Variants in SPAG16 observed in about 807,000 individuals in gnomAD.
SPAG16 encodes the protein sperm-associated antigen 16 protein.
In SPAG16, 86 loss-of-function variants were observed where a neutral mutation model predicts 80.4. That is an observed-to-expected ratio of 1.07 (90% CI 0.90 to 1.28). The LOEUF is 1.28. Among genes scored for constraint, SPAG16 ranks in the 50% most tolerant of loss-of-function variants. The pLI is 0.00. For synonymous variants in SPAG16, 294 were observed against 265.9 expected, an observed-to-expected ratio of 1.11 and a Z score of -1.03; for missense variants, 870 against 765.3, an observed-to-expected ratio of 1.14 and a Z score of -1.61.
intron 10 of SPAG16, among the ~76,000 whole-genome samples, chr2:213,552,593 T>C (rs1489217163): frequency 6.6e-6 from 1 of 152,240 alleles, no homozygotes; most frequent in Non-Finnish European, 1.5e-5. Flanking sequence ...AAACATATTC[T>C]CAAACAGTGA....
chr2:213,544,853 G>A (rs2076565372), intron 10 of SPAG16, among the ~76,000 whole-genome samples: 1 of 151,986 alleles, frequency 6.6e-6, no homozygotes, highest in Non-Finnish European at 1.5e-5. Context: ...AGACTTGATA[G>A]CTCATTTGTT....
intron 15 of SPAG16, among the ~76,000 whole-genome samples, chr2:214,219,838 T>C (rs938124985): frequency 6.6e-6 from 1 of 152,180 alleles, no homozygotes; most frequent in African/African-American, 2.4e-5. Context: ...TTTATTTCCA[T>C]CTGAAATACC....
chr2:213,874,618 G>A (rs2076075111), intron 11 of SPAG16, among the ~76,000 whole-genome samples: 2 of 152,254 alleles, frequency 1.3e-5, no homozygotes, highest in South Asian at 4.1e-4. Context: ...CATGAGTAAT[G>A]TGTAGCCATA....
chr2:213,398,174 T>C (rs2068137923), intron 9 of SPAG16, among the ~76,000 whole-genome samples: 1 of 152,110 alleles, frequency 6.6e-6, no homozygotes, highest in Non-Finnish European at 1.5e-5. Context: ...CTCTGTTTTT[T>C]TTTTTTTGCC....
At chr2:214,189,641 T>C (rs2057591993) in intron 15 of SPAG16, among the ~76,000 whole-genome samples, 1 of 152,096 alleles carries the variant, frequency 6.6e-6, no homozygotes, top group Non-Finnish European at 1.5e-5. Context: ...ATGATTTTTT[T>C]TTGTATTGAA....
At chr2:213,809,196 A>G (rs1401937594) in intron 10 of SPAG16, among the ~76,000 whole-genome samples, 1 of 152,160 alleles carries the variant, frequency 6.6e-6, no homozygotes, top group Non-Finnish European at 1.5e-5. Flanking sequence ...TCATCGGGAA[A>G]TCTGGATTTT....
At chr2:213,458,393 C>G (rs1340295241) in intron 9 of SPAG16, among the ~76,000 whole-genome samples, 1 of 151,776 alleles carries the variant, frequency 6.6e-6, no homozygotes, top group African/African-American at 2.4e-5. Context: ...TAGTGAAACC[C>G]CATCTCTACT....
At chr2:214,300,286 A>G (rs1694454340) in intron 15 of SPAG16, among the ~76,000 whole-genome samples, 1 of 152,092 alleles carries the variant, frequency 6.6e-6, no homozygotes, top group South Asian at 2.1e-4. Flanking sequence ...AAAGAAAAAG[A>G]TTTTCTCCCC....
chr2:213,817,518 G>GAT lies in SPAG16; in HGVS notation c.1071-44957_1071-44956dup, dbSNP rs542357024. Among the ~76,000 whole-genome samples, 28 of 151,676 alleles carry GAT rather than the reference G, an allele frequency of 1.8e-4. No homozygotes were observed. In the East Asian group the frequency reaches 1.9e-3, roughly 10 times the overall value. ...GGAAAATAAACTGTTCTACCCAAAA[G>GAT]ATATATATATACTTTTATGTTTATT... On this transcript the variant is annotated intron_variant, in intron 10 of 15. Coordinates refer to ENST00000331683, the MANE Select transcript of SPAG16 (RefSeq NM_024532.5).
At chr2:213,290,341 C>T (rs1249975276) in intron 1 of SPAG16, among the ~76,000 whole-genome samples, 2 of 152,144 alleles carry the variant, frequency 1.3e-5, no homozygotes, top group Admixed American at 6.6e-5. Context: ...AGAACCTGGC[C>T]TGGACTTGGA....
chr2:213,902,786 G>A (rs531890535), intron 11 of SPAG16, among the ~76,000 whole-genome samples: 2 of 152,294 alleles, frequency 1.3e-5, no homozygotes, highest in Non-Finnish European at 2.9e-5. Context: ...TCTGAGACAA[G>A]CAAAGTCCCT....
intron 5 of SPAG16, among the ~76,000 whole-genome samples, chr2:213,336,143 C>G (rs968203057): frequency 6.6e-6 from 1 of 152,234 alleles, no homozygotes; most frequent in Non-Finnish European, 1.5e-5. Context: ...TGTGCTACCC[C>G]TCCCTGAAAA....
At chr2:213,419,293 A>G (rs2069451216) in intron 9 of SPAG16, among the ~76,000 whole-genome samples, 3 of 151,954 alleles carry the variant, frequency 2.0e-5, no homozygotes, top group African/African-American at 7.3e-5. Context: ...ATTTCTCAGG[A>G]CCTTATGTTG....
intron 9 of SPAG16, among the ~76,000 whole-genome samples, chr2:213,448,823 C>T (rs1186966129): frequency 6.6e-6 from 1 of 152,058 alleles, no homozygotes; most frequent in Non-Finnish European, 1.5e-5. Context: ...ATTATGTTAA[C>T]TGTACAAATT....
At chr2:213,641,962 TAA>T (rs1299279926) in intron 10 of SPAG16, among the ~76,000 whole-genome samples, 1 of 152,210 alleles carries the variant, frequency 6.6e-6, no homozygotes, top group Non-Finnish European at 1.5e-5. Context: ...GATGTCATGA[TAA>T]GTCACTCACT....
At chr2:213,620,349 G>A (rs13384916) in intron 10 of SPAG16, among the ~76,000 whole-genome samples, 3,607 of 136,496 alleles carry the variant, frequency 0.026, 152 homozygotes, top group African/African-American at 0.095. Flanking sequence ...CTGGAGTGCA[G>A]TGGCACGATC....
intron 13 of SPAG16, among the ~76,000 whole-genome samples, chr2:214,068,542 C>A (rs1185796617): frequency 6.6e-6 from 1 of 151,796 alleles, no homozygotes; most frequent in African/African-American, 2.4e-5. Flanking sequence ...AGAGCTTTTC[C>A]TAGGAATATA....
intron 12 of SPAG16, among the ~76,000 whole-genome samples, chr2:213,954,773 C>T (rs956076512): frequency 6.6e-6 from 1 of 152,126 alleles, no homozygotes; most frequent in Admixed American, 6.5e-5. Flanking sequence ...TACCAGCAGT[C>T]TATGAGAAAT....
intron 15 of SPAG16, among the ~76,000 whole-genome samples, chr2:214,381,337 C>CT (rs1700438672): frequency 6.6e-6 from 1 of 152,262 alleles, no homozygotes; most frequent in East Asian, 1.9e-4. Flanking sequence ...TAAAGTAACT[C>CT]TAAGTATGAA....
Sources: allele counts gnomAD v4.1 joint callset (sites outside exome capture counted in the v4.1 genomes callset), GRCh38; gene constraint gnomAD v4.1.1; transcripts MANE v1.5; gene names NCBI Gene and HGNC (gene_info 2026-07-23, HGNC 2026-07-21).